The following NPAS2 variants were observed in gnomAD, a reference collection of about 807,000 sequenced individuals.
NPAS2 encodes neuronal PAS domain-containing protein 2.
Under a neutral mutation model 107.5 loss-of-function variants are expected in NPAS2, and 23 were observed. The ratio of observed to expected loss-of-function variants is 0.21; its 90% CI spans 0.15 to 0.30. The LOEUF (loss-of-function observed/expected upper bound fraction) is 0.30. Ranked by LOEUF, NPAS2 falls within the 10% of genes least tolerant of loss-of-function variation. The pLI, the probability that NPAS2 is intolerant of heterozygous loss-of-function variation, is 1.00. For missense variants in NPAS2, 756 were observed against 1,043.3 expected, an observed-to-expected ratio of 0.72 and a Z score of 3.79; for synonymous variants, 403 against 417.5, an observed-to-expected ratio of 0.97 and a Z score of 0.42.
intron 1 of NPAS2, among the ~76,000 whole-genome samples, chr2:100,849,318 C>G (rs1677997943): frequency 6.6e-6 from 1 of 152,148 alleles, no homozygotes; most frequent in South Asian, 2.1e-4. Context: ...CGGTCACCTC[C>G]CTGCCTAATT....
chr2:100,833,664 C>A (rs942549910), intron 1 of NPAS2, among the ~76,000 whole-genome samples: 13 of 152,180 alleles, frequency 8.5e-5, no homozygotes, highest in Non-Finnish European at 1.5e-5. Flanking sequence ...ACCCTGATAA[C>A]CTTTTGTGTC....
rs567962688 is a variant in NPAS2, at chr2:100,876,230, C to A, written c.-22-28503C>A. On this transcript the variant is annotated intron_variant, in intron 1 of 20. Coordinates refer to ENST00000335681, the MANE Select transcript of NPAS2 (RefSeq NM_002518.4). ...TGGGAGCCACAGATTTGCTTAGCAA[C>A]CTTTCTCCAGGGTGAACAGGGTATT... 2.6e-5 allele frequency among the ~76,000 whole-genome samples: 4 copies of A among 152,314 alleles called. No individual in the cohort carries two copies. The South Asian group carries it at 8.3e-4, about 32-fold the overall frequency.
In NPAS2 at chr2:100,970,367, G is replaced by A. The variant is rs563516887; in HGVS notation, c.1056-623G>A. On this transcript the variant is annotated intron_variant, in intron 11 of 20. Coordinates refer to ENST00000335681, the MANE Select transcript of NPAS2 (RefSeq NM_002518.4). Reference sequence around the variant, plus strand: ...GAATGAATCAGGTGGCAGGCGTTCCGGAGGCCCAGGAGCCACGTTGCTTTC... The same window carrying A: ...GAATGAATCAGGTGGCAGGCGTTCCAGAGGCCCAGGAGCCACGTTGCTTTC... 7.2e-5 allele frequency among the ~76,000 whole-genome samples: 11 copies of A among 152,308 alleles called. No individual in the cohort carries two copies. In the East Asian group the frequency reaches 7.7e-4, roughly 11 times the overall value.
At chr2:100,993,777 T>C in intron 20 of NPAS2, 1 of 394,036 alleles carries the variant, frequency 2.5e-6, no homozygotes, top group Non-Finnish European at 4.5e-6. Flanking sequence ...AAAAGGTTCT[T>C]TTTTAAAAAA....
Position 100,968,254 on chromosome 2 carries a change from T to C in NPAS2, c.908-27T>C. On this transcript the variant is annotated intron_variant, in intron 10 of 20. Transcript: ENST00000335681. The surrounding 1 kb of genome is among the most constrained non-coding windows in gnomAD (Gnocchi z 5.3). ...ATCATTTTCATATTAACATTGGTTA[T>C]ATGCGGAATCCATTTTCTACCGACA... The C allele has an allele frequency of 1.2e-6, 2 of 1,610,366 alleles. No homozygotes were observed. The highest frequency in any genetic ancestry group is 1.7e-6 in the Non-Finnish European group (2 of 1,176,850).
At chr2:100,982,208 T>C (rs753708700) in intron 15 of NPAS2, 23 bp from the exon 16 acceptor site, 7 of 1,613,892 alleles carry the variant, frequency 4.3e-6, no homozygotes, top group Non-Finnish European at 5.1e-6. Context: ...CATCTGATTA[T>C]GTTTTTCGGC....
rs113669467 is a variant in NPAS2, at chr2:100,967,958, C to T, written c.908-323C>T. ...GCTCCAAAGACAGCTCTGCCTGCGG[C>T]GGGAGGATGAGCACCAGGCAAACCT... On this transcript the variant is annotated intron_variant, in intron 10 of 20. Transcript: ENST00000335681. Among the ~76,000 whole-genome samples the T allele has an allele frequency of 2.9e-3, 448 of 152,282 alleles. 4 individuals carry two copies. Among genetic ancestry groups the T allele is most frequent in the Non-Finnish European group, 5.0e-3 (343 of 68,022 alleles).
chr2:100,908,518 T>G (rs1682316548), intron 2 of NPAS2, among the ~76,000 whole-genome samples: 1 of 152,142 alleles, frequency 6.6e-6, no homozygotes, highest in Admixed American at 6.5e-5. Context: ...TGACATTCAG[T>G]AAATGGAAGC....
intron 2 of NPAS2, 68 bp from the exon 3 acceptor site, chr2:100,925,078 C>A: frequency 6.6e-7 from 1 of 1,513,044 alleles, no homozygotes; most frequent in South Asian, 1.3e-5. Context: ...ATAGAAAGTG[C>A]TTTTGTTTCA....
chr2:100,878,089 C>T, intron 1 of NPAS2: 1 of 985,260 alleles, frequency 1.0e-6, no homozygotes, highest in East Asian at 1.1e-4. Context: ...AGTCAGCATT[C>T]CCCTATGTCC....
chr2:100,895,786 CAGCTGG>C (rs1384986326), intron 1 of NPAS2, among the ~76,000 whole-genome samples: 4 of 152,116 alleles, frequency 2.6e-5, no homozygotes, highest in Non-Finnish European at 5.9e-5. Context: ...ACTCAGGCTT[CAGCTGG>C]AGCCCCTGCC....
At chr2:100,830,720 C>T (rs962645947) in intron 1 of NPAS2, among the ~76,000 whole-genome samples, 1 of 152,190 alleles carries the variant, frequency 6.6e-6, no homozygotes, top group African/African-American at 2.4e-5. Flanking sequence ...TCAGATCTGT[C>T]TTTAGTGTTG....
intron 12 of NPAS2, among the ~76,000 whole-genome samples, chr2:100,972,346 A>C (rs563488243): frequency 6.6e-6 from 1 of 152,216 alleles, no homozygotes; most frequent in African/African-American, 2.4e-5. Flanking sequence ...TAATTTCAGA[A>C]GTGTTCAAAT....
Position 100,976,872 on chromosome 2 carries a change from G to C in NPAS2, c.1393-838G>C, listed in dbSNP as rs1677047609. On this transcript the variant is annotated intron_variant, in intron 14 of 20. Coordinates refer to ENST00000335681, the MANE Select transcript of NPAS2 (RefSeq NM_002518.4). The surrounding 1 kb of genome is among the most constrained non-coding windows in gnomAD (Gnocchi z 4.1). Reference sequence around the variant, plus strand: ...GAAACAGAACCCAGACCAGCTTCTGGATCAGCCCTGTGCCTGGGATTTCTC... The same window carrying C: ...GAAACAGAACCCAGACCAGCTTCTGCATCAGCCCTGTGCCTGGGATTTCTC... The C allele has an allele frequency of 6.6e-6, 1 of 152,082 alleles. No individual in the cohort carries two copies. Among genetic ancestry groups the C allele is most frequent in the African/African-American group, 2.4e-5 (1 of 41,392 alleles). The allele number at this position is 152,082 out of a possible 1,614,324, so 9.4% of individuals were successfully genotyped here. A position where few individuals can be genotyped will look rare whatever the true frequency, so the allele number is the denominator to read the frequency against.
intron 14 of NPAS2, 88 bp from the exon 15 acceptor site, chr2:100,977,622 C>T (rs1028334081): frequency 1.4e-5 from 16 of 1,136,796 alleles, no homozygotes; most frequent in East Asian, 7.0e-5. Flanking sequence ...CAGTGCGGAA[C>T]GCAGAGAACC....
At chr2:100,896,917 C>T (rs1200426328) in intron 1 of NPAS2, among the ~76,000 whole-genome samples, 1 of 152,096 alleles carries the variant, frequency 6.6e-6, no homozygotes, top group Non-Finnish European at 1.5e-5. Flanking sequence ...CATTCTCATG[C>T]TGCTATAAAG....
At position 100,951,964 on chromosome 2, in the gene NPAS2, A is replaced by G. The variant is rs578073343; in HGVS notation, c.598+2484A>G. 3.3e-4 allele frequency among the ~76,000 whole-genome samples: 50 copies of G among 152,036 alleles called. 1 individual carries two copies. Among genetic ancestry groups the G allele is most frequent in the Non-Finnish European group, 5.0e-4 (34 of 68,002 alleles). On this transcript the variant is annotated intron_variant, in intron 7 of 20. Coordinates refer to ENST00000335681, the MANE Select transcript of NPAS2 (RefSeq NM_002518.4). ...GGAGATCGAGACCATCCTGGCTAACATGGTGAAACCCCATCTCTACTAAAA... is the reference window on the plus strand; with the variant it reads ...GGAGATCGAGACCATCCTGGCTAACGTGGTGAAACCCCATCTCTACTAAAA...
chr2:100,854,731 C>T (rs1208207978), intron 1 of NPAS2, among the ~76,000 whole-genome samples: 1 of 152,112 alleles, frequency 6.6e-6, no homozygotes, highest in Non-Finnish European at 1.5e-5. Flanking sequence ...TGGCAGGAAT[C>T]CACAGGAAAT....
intron 2 of NPAS2, among the ~76,000 whole-genome samples, chr2:100,912,237 TTTATTTATTTATTTATTTA>T (rs1021735560): frequency 2.2e-4 from 24 of 107,752 alleles, no homozygotes; most frequent in South Asian, 1.5e-3. Flanking sequence ...TATTTATTTA[TTTATTTATTTATTTATTTA>T]TTATTATTAT....
Sources: allele counts gnomAD v4.1 joint callset (sites outside exome capture counted in the v4.1 genomes callset), GRCh38; gene constraint gnomAD v4.1.1; non-coding constraint Gnocchi (gnomAD v3.1); transcripts MANE v1.5; gene names NCBI Gene and HGNC (gene_info 2026-07-23, HGNC 2026-07-21).